Variants in CD109 observed in about 807,000 individuals in gnomAD.
CD109 encodes CD109 molecule.
A neutral mutation model predicts 165.8 loss-of-function variants in CD109; 149 were observed. The ratio of observed to expected loss-of-function variants is 0.90; its 90% CI spans 0.79 to 1.03. CD109 has a LOEUF of 1.03. CD109 is among the 50% of genes least tolerant of loss of function. The pLI is 0.00. For synonymous variants in CD109, 585 were observed against 592.1 expected (o/e 0.99, Z 0.18); for missense variants, 1,712 against 1,677.8 (o/e 1.02, Z -0.36).
At chr6:73,767,839 T>C (rs1418562253) in intron 13 of CD109, among the ~76,000 whole-genome samples, 1 of 152,258 alleles carries the variant, frequency 6.6e-6, no homozygotes, top group Non-Finnish European at 1.5e-5. Context: ...ATGAAGCTAC[T>C]GTTGCTCCAA....
At chr6:73,748,668 C>G (rs1424115218) in intron 5 of CD109, among the ~76,000 whole-genome samples, 1 of 152,188 alleles carries the variant, frequency 6.6e-6, no homozygotes, top group Non-Finnish European at 1.5e-5. Flanking sequence ...TTCAGTAGCT[C>G]TGGGGTAGGA....
upstream of CD109, among the ~76,000 whole-genome samples, chr6:73,690,851 T>C (rs147144444): frequency 2.3e-3 from 349 of 152,350 alleles, no homozygotes; most frequent in African/African-American, 7.8e-3. Flanking sequence ...CAGCAAATTA[T>C]GTGGAGAAAG....
In CD109 at chr6:73,806,532, A is replaced by T. The variant is rs145136738; in HGVS notation, c.2961-312A>T. 7.1e-3 allele frequency among the ~76,000 whole-genome samples: 1,077 copies of T among 151,762 alleles called. 12 individuals are homozygous for T. The highest frequency in any genetic ancestry group is 0.022 in the African/African-American group (932 of 41,498). On this transcript the variant is annotated intron_variant, in intron 24 of 32. Coordinates refer to ENST00000287097, the MANE Select transcript of CD109 (RefSeq NM_133493.5). The stretch of plus-strand genomic sequence containing the variant: ...ATAATAAATAAAAATAAAATAAAAT[A>T]AAATTAAATTAAAAAATGGAGCTGG...
Position 73,768,105 on chromosome 6 carries a change from G to A in CD109, c.1548G>A (p.Met516Ile). Residue 516 changes from methionine (M) to isoleucine (I), a missense_variant, in exon 14 of 33, where the codon ATG (methionine) becomes ATA (isoleucine). Physicochemically the swap from Met to Ile is conservative, Grantham distance 10. Transcript: ENST00000287097. Reference sequence around the variant, plus strand: ...CTGTAGGAAAACAAAATTCAACAATGTTCTCTTTAACACCAGAAAATTCTT... The same window carrying A: ...CTGTAGGAAAACAAAATTCAACAATATTCTCTTTAACACCAGAAAATTCTT... The part of the protein sequence containing the change: ...LVAVGKQNST[M>I]FSLTPENSWT... 3 of 1,613,240 alleles carry A rather than the reference G, an allele frequency of 1.9e-6. No homozygotes were observed. The highest frequency in any genetic ancestry group is 2.5e-6 in the Non-Finnish European group (3 of 1,179,462).
intron 4 of CD109, 104 bp downstream of exon 4, chr6:73,730,678 C>A: frequency 2.8e-6 from 2 of 715,516 alleles, no homozygotes; most frequent in Non-Finnish European, 4.6e-6. Context: ...TAGAATTCAC[C>A]TAAGATAAGC....
chr6:73,781,468 A>G, intron 17 of CD109, 149 bp downstream of exon 17: 1 of 645,046 alleles, frequency 1.6e-6, no homozygotes, highest in South Asian at 2.0e-5. Context: ...AGTTTAATGT[A>G]CTTAGAAGTA....
At chr6:73,812,455 G>A (rs1262631428) in intron 29 of CD109, among the ~76,000 whole-genome samples, 185 bp downstream of exon 29, 1 of 152,056 alleles carries the variant, frequency 6.6e-6, no homozygotes, top group Admixed American at 6.6e-5. Context: ...AATGAGTAGA[G>A]AGCAATTATA....
At chr6:73,686,188 T>TCTGGA in the CD109 span, among the ~76,000 whole-genome samples, 1 of 152,204 alleles carries the variant, frequency 6.6e-6, no homozygotes, top group African/African-American at 2.4e-5. Context: ...TGCTGTAATC[T>TCTGGA]CTCACCTGGA....
the CD109 span, among the ~76,000 whole-genome samples, chr6:73,690,229 G>C: frequency 2.0e-5 from 3 of 151,732 alleles, no homozygotes; most frequent in Non-Finnish European, 2.9e-5. Context: ...TTTTTTTCTG[G>C]GGTTATATAT....
chr6:73,689,575 G>A, the CD109 span, among the ~76,000 whole-genome samples: 1 of 152,046 alleles, frequency 6.6e-6, no homozygotes, highest in South Asian at 2.1e-4. Flanking sequence ...CTACTTTATA[G>A]TCTTAATATG....
At chr6:73,788,899 T>G (rs1425276737) in intron 22 of CD109, among the ~76,000 whole-genome samples, 1 of 152,188 alleles carries the variant, frequency 6.6e-6, no homozygotes, top group African/African-American at 2.4e-5. Context: ...TCTAACAAGC[T>G]CCTAGGTGTT....
intron 24 of CD109, among the ~76,000 whole-genome samples, chr6:73,805,442 C>G (rs2150291912): frequency 6.6e-6 from 1 of 152,348 alleles, no homozygotes; most frequent in Non-Finnish European, 1.5e-5. Context: ...GTAGATGGAA[C>G]ATACAATCGG....
At chr6:73,764,382 C>A (rs918017053) in intron 10 of CD109, among the ~76,000 whole-genome samples, 18 of 152,284 alleles carry the variant, frequency 1.2e-4, no homozygotes, top group African/African-American at 4.3e-4. Flanking sequence ...GCTACTCAGC[C>A]CTGCCATTGT....
At chr6:73,796,055 A>G (rs747421898) in intron 23 of CD109, among the ~76,000 whole-genome samples, 4 of 152,166 alleles carry the variant, frequency 2.6e-5, no homozygotes, top group Non-Finnish European at 5.9e-5. Context: ...AAAAACCTGT[A>G]TGAAATTCTT....
intron 23 of CD109, among the ~76,000 whole-genome samples, chr6:73,796,703 G>C (rs1255040830): frequency 6.6e-6 from 1 of 152,100 alleles, no homozygotes; most frequent in African/African-American, 2.4e-5. Flanking sequence ...TCCTAATGTG[G>C]ATATTGGGTC....
At chr6:73,797,082 C>T (rs1775191245) in intron 23 of CD109, among the ~76,000 whole-genome samples, 1 of 152,130 alleles carries the variant, frequency 6.6e-6, no homozygotes, top group Non-Finnish European at 1.5e-5. Context: ...GTGGCTTCAG[C>T]GTGAGTCATG....
the CD109 span, among the ~76,000 whole-genome samples, chr6:73,681,961 C>T: frequency 6.6e-6 from 1 of 152,060 alleles, no homozygotes; most frequent in Non-Finnish European, 1.5e-5. Context: ...ATCATGAGAA[C>T]AGCATGGGAA....
chr6:73,786,869 G>A (rs137907381), intron 20 of CD109, among the ~76,000 whole-genome samples: 40 of 152,304 alleles, frequency 2.6e-4, no homozygotes, highest in Middle Eastern at 3.4e-3. Context: ...AATGAGACCA[G>A]TATGTTCCAG....
chr6:73,780,612 C>A, intron 16 of CD109, 114 bp downstream of exon 16: 2 of 698,974 alleles, frequency 2.9e-6, no homozygotes, highest in Admixed American at 2.4e-5. Context: ...GTCACTGAAG[C>A]GCAGTCTTAT....
Sources: allele counts gnomAD v4.1 joint callset (sites outside exome capture counted in the v4.1 genomes callset), GRCh38; gene constraint gnomAD v4.1.1; transcripts MANE v1.5; gene names NCBI Gene and HGNC (gene_info 2026-07-23, HGNC 2026-07-21).